Variants in VPS13B observed in about 807,000 individuals in gnomAD.
The protein encoded by VPS13B is vacuolar protein sorting 13 homolog B, also known as intermembrane lipid transfer protein VPS13B.
A neutral mutation model predicts 426.4 loss-of-function variants in VPS13B; 285 were observed. The observed-to-expected ratio is 0.67, with a 90% CI of 0.61 to 0.74. The LOEUF is 0.74. VPS13B is among the 30% of genes least tolerant of loss of function. The pLI is 0.00. For synonymous variants in VPS13B, 1,676 were observed against 1,676.4 expected (o/e 1.00, Z 0.01); for missense variants, 4,537 against 4,782.6 (o/e 0.95, Z 1.51).
At chr8:99,646,616 G>T (rs892201470) in intron 34 of VPS13B, among the ~76,000 whole-genome samples, 6 of 152,094 alleles carry the variant, frequency 3.9e-5, no homozygotes, top group African/African-American at 1.5e-4. Flanking sequence ...TGTATGATTT[G>T]GTTTGGATGT....
chr8:99,267,102 A>G (rs1219865336), intron 17 of VPS13B, among the ~76,000 whole-genome samples: 2 of 152,200 alleles, frequency 1.3e-5, no homozygotes, highest in Non-Finnish European at 2.9e-5. Flanking sequence ...GAAGGCTCAC[A>G]GGACAGGAAG....
intron 25 of VPS13B, among the ~76,000 whole-genome samples, chr8:99,494,381 A>G (rs1292093982): frequency 4.6e-5 from 7 of 152,108 alleles, no homozygotes; most frequent in Admixed American, 1.3e-4. Context: ...ATTTTTTTTA[A>G]AGATATTTCA....
chr8:99,461,825 C>G (rs1257887273), intron 23 of VPS13B, among the ~76,000 whole-genome samples: 4 of 152,090 alleles, frequency 2.6e-5, no homozygotes, highest in Admixed American at 2.6e-4. Flanking sequence ...GCTAATTGTT[C>G]TCCAGAGCTT....
intron 39 of VPS13B, among the ~76,000 whole-genome samples, chr8:99,747,014 T>C (rs186765117): frequency 6.6e-6 from 1 of 152,234 alleles, no homozygotes; most frequent in East Asian, 1.9e-4. Flanking sequence ...TCACAAAGCA[T>C]TTTCTATAAG....
intron 19 of VPS13B, among the ~76,000 whole-genome samples, chr8:99,354,938 A>G (rs984007166): frequency 2.0e-5 from 3 of 152,202 alleles, no homozygotes; most frequent in African/African-American, 7.2e-5. Context: ...AAAATAAATG[A>G]TATAAAAAAC....
At chr8:99,319,142 A>G (rs2133122882) in intron 19 of VPS13B, among the ~76,000 whole-genome samples, 1 of 152,284 alleles carries the variant, frequency 6.6e-6, no homozygotes, top group South Asian at 2.1e-4. Context: ...TTAGAGCATA[A>G]CTAGATTTGA....
chr8:99,360,513 G>A lies in VPS13B; in HGVS notation c.2825-23695G>A, dbSNP rs139568792. ...AGTATGGTCTCGATCTCCTGACCTC[G>A]TGACCCGCCCGTCTCGGCCTCCTAA... On this transcript the variant is annotated intron_variant, in intron 19 of 61. Coordinates refer to ENST00000357162, the MANE Select transcript of VPS13B (RefSeq NM_152564.5). Among the ~76,000 whole-genome samples, 548 of 151,806 alleles carry A rather than the reference G, an allele frequency of 3.6e-3. 3 individuals carry two copies. The highest frequency in any genetic ancestry group is 5.9e-3 in the Non-Finnish European group (401 of 67,930).
At chr8:99,686,148 A>G (rs184983882) in intron 35 of VPS13B, among the ~76,000 whole-genome samples, 1 of 152,198 alleles carries the variant, frequency 6.6e-6, no homozygotes, top group Non-Finnish European at 1.5e-5. Context: ...GATAAGATCC[A>G]GAAGAATTCT....
chr8:99,029,611 A>C (rs1842402442), intron 2 of VPS13B, among the ~76,000 whole-genome samples: 1 of 150,390 alleles, frequency 6.6e-6, no homozygotes, highest in Admixed American at 6.6e-5. Flanking sequence ...GTCTCCACCA[A>C]AAAAAAAAAC....
At chr8:99,680,308 G>GTT (rs1407462925) in intron 35 of VPS13B, among the ~76,000 whole-genome samples, 1 of 152,176 alleles carries the variant, frequency 6.6e-6, no homozygotes, top group African/African-American at 2.4e-5. Flanking sequence ...TCCAGTTGAT[G>GTT]TTTGGTCCCC....
At chr8:99,792,884 A>C (rs1349774955) in intron 43 of VPS13B, among the ~76,000 whole-genome samples, 1 of 152,116 alleles carries the variant, frequency 6.6e-6, no homozygotes, top group Middle Eastern at 3.4e-3. Context: ...CTGCTAAATT[A>C]GTGCTAATTT....
Position 99,526,011 on chromosome 8 carries a change from A to G in VPS13B, c.4745+5001A>G, listed in dbSNP as rs188548967. 1.2e-4 allele frequency among the ~76,000 whole-genome samples: 17 copies of G among 147,372 alleles called. No homozygotes were observed. The East Asian group carries it at 2.6e-3, about 23-fold the overall frequency. On this transcript the variant is annotated intron_variant, in intron 30 of 61. Coordinates refer to ENST00000357162, the MANE Select transcript of VPS13B (RefSeq NM_152564.5). ...CTTTGGCTATTAGTTTGAGTGAGACATGGTTGTGGGGGAAGAATTATCCAC... is the reference window on the plus strand; with the variant it reads ...CTTTGGCTATTAGTTTGAGTGAGACGTGGTTGTGGGGGAAGAATTATCCAC...
intron 22 of VPS13B, among the ~76,000 whole-genome samples, chr8:99,441,818 C>T (rs1361304270): frequency 6.6e-6 from 1 of 151,932 alleles, no homozygotes; most frequent in Non-Finnish European, 1.5e-5. Flanking sequence ...TCTGATTTTT[C>T]CTATTATGAT....
chr8:99,169,079 A>G (rs570002123), intron 15 of VPS13B, among the ~76,000 whole-genome samples: 1 of 152,140 alleles, frequency 6.6e-6, no homozygotes, highest in Admixed American at 6.5e-5. Flanking sequence ...AAGAAATTCT[A>G]AACATATTTT....
chr8:99,306,382 T>G (rs545350151), intron 19 of VPS13B, among the ~76,000 whole-genome samples: 9 of 152,106 alleles, frequency 5.9e-5, no homozygotes, highest in African/African-American at 2.2e-4. Context: ...TATTTGACTA[T>G]TAAGTGAGAA....
At position 99,135,218 on chromosome 8, in the gene VPS13B, T is replaced by C. The variant is rs571215275; in HGVS notation, c.1425+81T>C. ...TACTGAAGTGTTTAACCATATAATA[T>C]CTGTTAGACTATATATATCTCAGGC... On this transcript the variant is annotated intron_variant, in intron 10 of 61. Transcript: ENST00000357162. The C allele has an allele frequency of 4.6e-5, 71 of 1,557,878 alleles. 1 individual carries two copies. In the South Asian group the frequency reaches 7.7e-4, roughly 17 times the overall value.
intron 40 of VPS13B, among the ~76,000 whole-genome samples, chr8:99,771,541 A>G (rs974087821): frequency 1.3e-5 from 2 of 152,260 alleles, no homozygotes; most frequent in African/African-American, 4.8e-5. Context: ...AGTGATCCAC[A>G]GCCTGTGTAT....
At chr8:99,334,389 G>A (rs756685412) in intron 19 of VPS13B, among the ~76,000 whole-genome samples, 1 of 151,864 alleles carries the variant, frequency 6.6e-6, no homozygotes, top group African/African-American at 2.4e-5. Flanking sequence ...AAGACTTGAA[G>A]GTCGAATAGG....
In VPS13B at chr8:99,720,886, T is replaced by C; in HGVS notation, c.6889T>C (p.Tyr2297His). Reference sequence around the variant, plus strand: ...AGAATCTTTGAAATTGCCTGGGGTCTATGAAGTCTTATTTTATAATGAAAC... The same window carrying C: ...AGAATCTTTGAAATTGCCTGGGGTCCATGAAGTCTTATTTTATAATGAAAC... Reference protein sequence around the residue: ...DAESLKLPGVYEVLFYNETED... With the variant: ...DAESLKLPGVHEVLFYNETED... The change falls in exon 39 of 62, where the codon TAT (tyrosine) becomes CAT (histidine). Residue 2297 changes from tyrosine to histidine, a missense_variant. By Grantham distance (83) the Tyr-to-His change is moderately conservative. This residue lies in a region of VPS13B where 4,311 missense variants were observed against 4,474.3 expected (regional missense o/e 0.96). Transcript: ENST00000357162. The C allele has an allele frequency of 3.1e-6, 5 of 1,613,826 alleles. No homozygotes were observed. Among genetic ancestry groups the C allele is most frequent in the Non-Finnish European group, 4.2e-6 (5 of 1,179,856 alleles).
Sources: gnomAD v4.1 joint callset for allele counts (sites outside exome capture counted in the v4.1 genomes callset) on GRCh38, gnomAD v4.1.1 for gene constraint, gnomAD v4.1.1 regional missense constraint, MANE v1.5 for transcripts, NCBI Gene and HGNC (gene_info 2026-07-23, HGNC 2026-07-21) for gene names.